The following PHACTR2 variants were observed in gnomAD, a reference collection of about 807,000 sequenced individuals.
PHACTR2 encodes the protein chromosome 6 open reading frame 56.
Under a neutral mutation model 76.0 loss-of-function variants are expected in PHACTR2, and 30 were observed. The observed-to-expected ratio is 0.39, with a 90% CI of 0.30 to 0.54. The LOEUF is 0.54. Among genes scored for constraint, PHACTR2 ranks in the 20% least tolerant of loss-of-function variants. PHACTR2 has a pLI of 0.61. For synonymous variants in PHACTR2, 292 were observed against 292.5 expected (o/e 1.00, Z 0.02); for missense variants, 696 against 781.1 (o/e 0.89, Z 1.30).
rs368984688 is a variant in PHACTR2, at chr6:143,772,711, A to T, written c.1432+254A>T. Among the ~76,000 whole-genome samples, 1 of 152,310 alleles carries T rather than the reference A, an allele frequency of 6.6e-6. No homozygotes were observed. Among genetic ancestry groups the T allele is most frequent in the East Asian group, 1.9e-4 (1 of 5,180 alleles). On this transcript the variant is annotated intron_variant, in intron 7 of 12. Transcript: ENST00000440869. This position sits in a 1 kb window ranked among gnomAD's most constrained non-coding sequence, Gnocchi z 5.4. ...TGAGCTAGATGTGCTAGATGTGCAT[A>T]TTAGTATTTGTGCTGAGAATCAAAG...
rs527346976 is a variant in PHACTR2 at position 143,662,977 on chromosome 6, C to T, written c.14-49039C>T. Among the ~76,000 whole-genome samples the T allele has an allele frequency of 6.6e-6, 1 of 152,210 alleles. No homozygotes were observed. The highest frequency in any genetic ancestry group is 1.9e-4 in the East Asian group (1 of 5,176). On this transcript the variant is annotated intron_variant, in intron 1 of 11. Transcript: ENST00000305766. The surrounding 1 kb of genome is among the most constrained non-coding windows in gnomAD (Gnocchi z 4.7). ...AATATGTGATATTTGGTTTTCTGTT[C>T]CTGTATTAATTTGCTTAGGATATGA...
In PHACTR2 at chr6:143,783,757, CTG is replaced by C. The variant is rs1189617300; in HGVS notation, c.1707+482_1707+483del. Reference sequence around the variant, plus strand: ...CATTTACTCCATGAAAGTATGTACTCTGTGTGAAAATTTTTAAAGACACAAAA... The same window carrying C: ...CATTTACTCCATGAAAGTATGTACTCTGTGAAAATTTTTAAAGACACAAAA... On this transcript the variant is annotated intron_variant, in intron 10 of 12. Transcript: ENST00000440869. The surrounding 1 kb of genome is among the most constrained non-coding windows in gnomAD (Gnocchi z 5.2). Among the ~76,000 whole-genome samples the C allele has an allele frequency of 6.6e-6, 1 of 152,110 alleles. No individual in the cohort carries two copies. The highest frequency in any genetic ancestry group is 6.6e-5 in the Admixed American group (1 of 15,266).
chr6:143,822,329 A>C lies in PHACTR2; in HGVS notation c.1923-1345A>C, dbSNP rs918757395. 7.2e-5 allele frequency among the ~76,000 whole-genome samples: 11 copies of C among 152,230 alleles called. No individual in the cohort carries two copies. The highest frequency in any genetic ancestry group is 1.2e-4 in the Non-Finnish European group (8 of 68,008). On this transcript the variant is annotated intron_variant, in intron 12 of 12. Transcript: ENST00000440869. This position sits in a 1 kb window ranked among gnomAD's most constrained non-coding sequence, Gnocchi z 5.5. ...AGGTGTATGCTACCATGCCCAGCTTAAATTTTATTTTGTAGGTAATGGGGA... is the reference window on the plus strand; with the variant it reads ...AGGTGTATGCTACCATGCCCAGCTTCAATTTTATTTTGTAGGTAATGGGGA...
Position 143,803,720 on chromosome 6 carries a change from T to G in PHACTR2, c.1846-3337T>G. 6.6e-6 allele frequency among the ~76,000 whole-genome samples: 1 copy of G among 152,310 alleles called. No individual in the cohort carries two copies. The highest frequency in any genetic ancestry group is 3.4e-3 in the Middle Eastern group (1 of 294). ...ATAGAAAGGCTGTGTTTTCTAGGAT[T>G]TGACATTTTCAGCAATAGAGAAATA... On this transcript the variant is annotated intron_variant, in intron 11 of 12. Coordinates refer to ENST00000440869, the MANE Select transcript of PHACTR2 (RefSeq NM_001100164.2). The surrounding 1 kb of genome is among the most constrained non-coding windows in gnomAD (Gnocchi z 4.7).
Position 143,541,808 on chromosome 6 carries a change from T to G in PHACTR2, c.217+4601T>G, listed in dbSNP as rs942098148. Among the ~76,000 whole-genome samples, 1 of 152,212 alleles carries G rather than the reference T, an allele frequency of 6.6e-6. No individual in the cohort carries two copies. The highest frequency in any genetic ancestry group is 2.1e-4 in the South Asian group (1 of 4,836). On this transcript the variant is annotated intron_variant, in intron 1 of 11. Coordinates refer to the PHACTR2 transcript ENST00000367584. This position sits in a 1 kb window ranked among gnomAD's most constrained non-coding sequence, Gnocchi z 5.3. ...TCTGCTGTTGGGTCACCTGTGCTGT[T>G]GGGGGAAGCTTGTGCTTGCTTATCC...
chr6:143,669,317 G>A (rs1236131589), intron 1 of PHACTR2, among the ~76,000 whole-genome samples: 1 of 152,184 alleles, frequency 6.6e-6, no homozygotes, highest in Non-Finnish European at 1.5e-5. Flanking sequence ...TAGAATAGGT[G>A]CAATGTGGTG....
rs985502473 is a variant in PHACTR2 at position 143,602,291 on chromosome 6, G to C, written c.217+65084G>C. Among the ~76,000 whole-genome samples the C allele has an allele frequency of 1.3e-5, 2 of 152,096 alleles. No homozygotes were observed. Among genetic ancestry groups the C allele is most frequent in the African/African-American group, 4.8e-5 (2 of 41,410 alleles). ...GGCATACTGCCGATCCAGTATTTAG[G>C]GACCCACGTGAAGCTTAGTTAATTA... On this transcript the variant is annotated intron_variant, in intron 1 of 11. Coordinates refer to the PHACTR2 transcript ENST00000367584. This position sits in a 1 kb window ranked among gnomAD's most constrained non-coding sequence, Gnocchi z 6.1.
In PHACTR2 at chr6:143,546,025, A is replaced by C. The variant is rs1774989882; in HGVS notation, c.217+8818A>C. On this transcript the variant is annotated intron_variant, in intron 1 of 11. Coordinates refer to the PHACTR2 transcript ENST00000367584. The surrounding 1 kb of genome is among the most constrained non-coding windows in gnomAD (Gnocchi z 4.9). ...AACTCAGTTTTAGAATCATGTGTTTAATTCATGCCCAAGAACCATATCTTG... is the reference window on the plus strand; with the variant it reads ...AACTCAGTTTTAGAATCATGTGTTTCATTCATGCCCAAGAACCATATCTTG... Among the ~76,000 whole-genome samples, 1 of 152,198 alleles carries C rather than the reference A, an allele frequency of 6.6e-6. No individual in the cohort carries two copies. Among genetic ancestry groups the C allele is most frequent in the Non-Finnish European group, 1.5e-5 (1 of 68,028 alleles).
At chr6:143,588,804 A>G (rs896214761) in intron 1 of PHACTR2, among the ~76,000 whole-genome samples, 4 of 152,240 alleles carry the variant, frequency 2.6e-5, no homozygotes, top group African/African-American at 9.6e-5. Flanking sequence ...TAGCAAGAAG[A>G]TATTATAAAC....
At chr6:143,675,359 CAG>C (rs1025310891), upstream of PHACTR2, among the ~76,000 whole-genome samples, 8 of 152,106 alleles carry the variant, frequency 5.3e-5, no homozygotes, top group African/African-American at 1.7e-4. The surrounding 1 kb of genome is among the most constrained non-coding windows in gnomAD (Gnocchi z 4.9). Context: ...ATTATTATAA[CAG>C]AGAAAAGTAG....
Position 143,618,054 on chromosome 6 carries a change from A to G in PHACTR2, c.13+9732A>G, listed in dbSNP as rs1776084853. Reference sequence around the variant, plus strand: ...AAACATCTCTTGTCAAATTCTGTATAATAGAAGAGGTACATTATTAGACCC... The same window carrying G: ...AAACATCTCTTGTCAAATTCTGTATGATAGAAGAGGTACATTATTAGACCC... On this transcript the variant is annotated intron_variant, in intron 1 of 11. Coordinates refer to the PHACTR2 transcript ENST00000305766. The surrounding 1 kb of genome is among the most constrained non-coding windows in gnomAD (Gnocchi z 5.2). 6.6e-6 allele frequency among the ~76,000 whole-genome samples: 1 copy of G among 152,242 alleles called. No individual in the cohort carries two copies. The highest frequency in any genetic ancestry group is 2.1e-4 in the South Asian group (1 of 4,830).
At chr6:143,630,637 C>T (rs2128441895) in intron 1 of PHACTR2, among the ~76,000 whole-genome samples, 1 of 152,300 alleles carries the variant, frequency 6.6e-6, no homozygotes, top group East Asian at 1.9e-4. Flanking sequence ...ATTCACTCAT[C>T]CAACACGCTT....
In PHACTR2 at chr6:143,663,250, A is replaced by T. The variant is rs886136066; in HGVS notation, c.14-48766A>T. Among the ~76,000 whole-genome samples, 2 of 152,166 alleles carry T rather than the reference A, an allele frequency of 1.3e-5. No individual in the cohort carries two copies. The highest frequency in any genetic ancestry group is 2.4e-5 in the African/African-American group (1 of 41,450). On this transcript the variant is annotated intron_variant, in intron 1 of 11. Transcript: ENST00000305766. The surrounding 1 kb of genome is among the most constrained non-coding windows in gnomAD (Gnocchi z 4.1). ...CCCAGTAATGATATTTTTGGGTCAC[A>T]TGGTAACTCTGTTTTAAGTTCTTCC...
chr6:143,537,133 GC>G lies in PHACTR2; in HGVS notation c.144del (p.Gly49AlafsTer33). 1 of 320,090 alleles carries G rather than the reference GC, an allele frequency of 3.1e-6. No homozygotes were observed. The highest frequency in any genetic ancestry group is 6.1e-6 in the Non-Finnish European group (1 of 164,150). 19.8% of individuals were successfully genotyped at this position (320,090 alleles called of 1,614,324 possible). A position where few individuals can be genotyped will look rare whatever the true frequency, so the allele number is the denominator to read the frequency against. ...TGGCTTCCCGGGGACCCGAGCCCCCGCGGCCGCTCACAGAGCGACCTCTCGT... is the reference window on the plus strand; with the variant it reads ...TGGCTTCCCGGGGACCCGAGCCCCCGGGCCGCTCACAGAGCGACCTCTCGT... On this transcript the variant is annotated frameshift_variant, in exon 1 of 12. Coordinates refer to the PHACTR2 transcript ENST00000367584. LOFTEE classifies it high-confidence loss of function. The surrounding 1 kb of genome is among the most constrained non-coding windows in gnomAD (Gnocchi z 4.4).
Position 143,688,210 on chromosome 6 carries a change from T to C in PHACTR2, c.46+10001T>C, listed in dbSNP as rs1777565258. Among the ~76,000 whole-genome samples, 1 of 151,720 alleles carries C rather than the reference T, an allele frequency of 6.6e-6. No individual in the cohort carries two copies. Among genetic ancestry groups the C allele is most frequent in the South Asian group, 2.1e-4 (1 of 4,806 alleles). On this transcript the variant is annotated intron_variant, in intron 1 of 12. Transcript: ENST00000440869. The surrounding 1 kb of genome is among the most constrained non-coding windows in gnomAD (Gnocchi z 5.2). ...TTTTTAAATCAAACCAGAGAAATGA[T>C]TATTGCTTTGCCTCCGGAGATGAGT...
At position 143,698,140 on chromosome 6, in the gene PHACTR2, T is replaced by C. The variant is rs1562273760; in HGVS notation, c.47-13876T>C. On this transcript the variant is annotated intron_variant, in intron 1 of 12. Transcript: ENST00000440869. This position sits in a 1 kb window ranked among gnomAD's most constrained non-coding sequence, Gnocchi z 4.3. ...TAAAAATTATATTAGAAAAGGATTT[T>C]GGAATAAGCTAGTTGGTTTGATGGT... Among the ~76,000 whole-genome samples, 2 of 152,202 alleles carry C rather than the reference T, an allele frequency of 1.3e-5. No homozygotes were observed. Among genetic ancestry groups the C allele is most frequent in the South Asian group, 4.1e-4 (2 of 4,834 alleles).
In PHACTR2 at chr6:143,591,409, G is replaced by A. The variant is rs1264213837; in HGVS notation, c.217+54202G>A. Reference sequence around the variant, plus strand: ...TTTTTCTAGGTGTTCCAGGTAGGTGGCCAAGGAGAGTGTCATCAAGTTCCC... The same window carrying A: ...TTTTTCTAGGTGTTCCAGGTAGGTGACCAAGGAGAGTGTCATCAAGTTCCC... On this transcript the variant is annotated intron_variant, in intron 1 of 11. Coordinates refer to the PHACTR2 transcript ENST00000367584. This position sits in a 1 kb window ranked among gnomAD's most constrained non-coding sequence, Gnocchi z 6.4. 6.6e-6 allele frequency among the ~76,000 whole-genome samples: 1 copy of A among 152,154 alleles called. No homozygotes were observed. Among genetic ancestry groups the A allele is most frequent in the African/African-American group, 2.4e-5 (1 of 41,434 alleles).
In PHACTR2 at chr6:143,678,446, C is replaced by A. The variant is rs536326775; in HGVS notation, c.46+237C>A. On this transcript the variant is annotated intron_variant, in intron 1 of 12. Transcript: ENST00000440869. This position sits in a 1 kb window ranked among gnomAD's most constrained non-coding sequence, Gnocchi z 6.2. ...CTCCATTTTTCTGTGCGCGATGCCTCGCTGTGGTTTTTTATCCAAATTATT... is the reference window on the plus strand; with the variant it reads ...CTCCATTTTTCTGTGCGCGATGCCTAGCTGTGGTTTTTTATCCAAATTATT... Among the ~76,000 whole-genome samples the A allele has an allele frequency of 7.0e-6, 1 of 142,872 alleles. No individual in the cohort carries two copies. Among genetic ancestry groups the A allele is most frequent in the South Asian group, 2.2e-4 (1 of 4,508 alleles). 93.7% of individuals were successfully genotyped at this position (142,872 alleles called of 152,430 possible).
Position 143,809,546 on chromosome 6 carries a change from A to G in PHACTR2, c.1922+2413A>G, listed in dbSNP as rs911176656. On this transcript the variant is annotated intron_variant, in intron 12 of 12. Coordinates refer to ENST00000440869, the MANE Select transcript of PHACTR2 (RefSeq NM_001100164.2). This position sits in a 1 kb window ranked among gnomAD's most constrained non-coding sequence, Gnocchi z 4.2. Reference sequence around the variant, plus strand: ...ATATGTATTTGTATGTACAAAAATAATATATTCTAATTAAGCATTCAAGCA... The same window carrying G: ...ATATGTATTTGTATGTACAAAAATAGTATATTCTAATTAAGCATTCAAGCA... 3.3e-5 allele frequency among the ~76,000 whole-genome samples: 5 copies of G among 152,084 alleles called. No homozygotes were observed. Among genetic ancestry groups the G allele is most frequent in the African/African-American group, 9.7e-5 (4 of 41,432 alleles).
Sources: allele counts gnomAD v4.1 joint callset (sites outside exome capture counted in the v4.1 genomes callset), GRCh38; gene constraint gnomAD v4.1.1; non-coding constraint Gnocchi (gnomAD v3.1); transcripts MANE v1.5; gene names NCBI Gene and HGNC (gene_info 2026-07-23, HGNC 2026-07-21).